The following PICALM variants were observed in gnomAD, a reference collection of about 807,000 sequenced individuals.
PICALM encodes the protein phosphatidylinositol-binding clathrin assembly protein.
Under a neutral mutation model 80.5 loss-of-function variants are expected in PICALM, and 40 were observed. The ratio of observed to expected loss-of-function variants is 0.50; its 90% CI spans 0.39 to 0.65. The LOEUF (loss-of-function observed/expected upper bound fraction) is 0.65, where lower values mean the gene tolerates loss of function less well. Ranked by LOEUF, PICALM falls within the 30% of genes least tolerant of loss-of-function variation. The probability of loss-of-function intolerance (pLI) is 0.00; values close to 1 mark genes in which losing one functional copy is unlikely to be tolerated. For missense variants in PICALM, 676 were observed against 778.9 expected (o/e 0.87, Z 1.57); for synonymous variants, 288 against 260.3 (o/e 1.11, Z -1.02).
chr11:85,961,321 C>T (rs908001040), intron 19 of PICALM, among the ~76,000 whole-genome samples: 2 of 152,172 alleles, frequency 1.3e-5, no homozygotes, highest in South Asian at 2.1e-4. Context: ...TTTATCTTGA[C>T]GAACTGCAGC....
At chr11:86,058,215 C>A (rs2096300483) in intron 1 of PICALM, among the ~76,000 whole-genome samples, 1 of 152,066 alleles carries the variant, frequency 6.6e-6, no homozygotes, top group Non-Finnish European at 1.5e-5. Context: ...ATAACTATTA[C>A]CAGCACATAA....
intron 1 of PICALM, among the ~76,000 whole-genome samples, chr11:86,052,832 C>T (rs866671090): frequency 1.3e-5 from 2 of 152,214 alleles, no homozygotes; most frequent in African/African-American, 4.8e-5. Flanking sequence ...CTGTATTTCT[C>T]ATTGCACCCA....
At chr11:85,966,658 C>G (rs2093910624) in intron 19 of PICALM, among the ~76,000 whole-genome samples, 1 of 152,162 alleles carries the variant, frequency 6.6e-6, no homozygotes, top group Non-Finnish European at 1.5e-5. Flanking sequence ...CCCTGGTGCC[C>G]ATAAATTTGA....
At chr11:86,048,011 G>GA (rs2096107056) in intron 1 of PICALM, among the ~76,000 whole-genome samples, 1 of 151,930 alleles carries the variant, frequency 6.6e-6, no homozygotes. Flanking sequence ...TGACGCAGGA[G>GA]AATCTCCTGA....
At chr11:85,959,505 C>T (rs1465886825) in intron 19 of PICALM, among the ~76,000 whole-genome samples, 6 of 151,552 alleles carry the variant, frequency 4.0e-5, no homozygotes, top group African/African-American at 9.7e-5. Context: ...TGGTGGCGGG[C>T]GCCTGTAATC....
chr11:86,021,792 A>C (rs1404427910), intron 4 of PICALM, among the ~76,000 whole-genome samples: 2 of 152,236 alleles, frequency 1.3e-5, no homozygotes, highest in Non-Finnish European at 2.9e-5. Flanking sequence ...CCATCACCTT[A>C]TGAACAGATA....
chr11:86,032,985 A>C (rs1465215466), intron 1 of PICALM, among the ~76,000 whole-genome samples: 1 of 152,218 alleles, frequency 6.6e-6, no homozygotes. Flanking sequence ...CTGCTTAAAG[A>C]ACAAAGAACA....
At position 85,987,566 on chromosome 11, in the gene PICALM, G is replaced by A. The variant is rs1393868724; in HGVS notation, c.1408+2684C>T. Among the ~76,000 whole-genome samples, 5 of 152,176 alleles carry A rather than the reference G, an allele frequency of 3.3e-5. No homozygotes were observed. The East Asian group carries it at 9.6e-4, about 29-fold the overall frequency. The stretch of plus-strand genomic sequence containing the variant: ...AAAATCAATGTTTAGGATTTTAGTT[G>A]ATGACTACATAATAATTTAGGTGAG... On this transcript the variant is annotated intron_variant, in intron 13 of 19. Transcript: ENST00000393346.
intron 11 of PICALM, among the ~76,000 whole-genome samples, chr11:85,997,751 G>A (rs1414615413): frequency 2.0e-5 from 3 of 152,076 alleles, no homozygotes; most frequent in Non-Finnish European, 2.9e-5. Flanking sequence ...GATTACAGGC[G>A]TGAGCCACTG....
chr11:86,010,969 CA>C, intron 7 of PICALM, 60 bp downstream of exon 7: 1 of 733,444 alleles, frequency 1.4e-6, no homozygotes. Context: ...GTGATGACTT[CA>C]AAATCCATAC....
chr11:85,977,694 G>C (rs2135618418), intron 17 of PICALM, among the ~76,000 whole-genome samples: 1 of 152,316 alleles, frequency 6.6e-6, no homozygotes, highest in Middle Eastern at 3.4e-3. Context: ...AAGAGCAGTA[G>C]ACAAACTGCC....
intron 12 of PICALM, among the ~76,000 whole-genome samples, chr11:85,996,228 T>G (rs1162288149): frequency 2.0e-5 from 3 of 152,200 alleles, no homozygotes; most frequent in Admixed American, 6.5e-5. Context: ...CTATGAGAGA[T>G]AAGCCTATCA....
chr11:86,042,790 G>C (rs1375964022), intron 1 of PICALM, among the ~76,000 whole-genome samples: 1 of 151,800 alleles, frequency 6.6e-6, no homozygotes. Flanking sequence ...CCCAAGCAGG[G>C]TCCAGAGTGG....
At chr11:85,969,662 T>A in intron 19 of PICALM, 1 of 423,050 alleles carries the variant, frequency 2.4e-6, no homozygotes, top group Middle Eastern at 6.5e-4. Flanking sequence ...AAAAACCTTA[T>A]CTAGTTCAAA....
chr11:85,960,671 A>G, intron 19 of PICALM: 1 of 1,239,306 alleles, frequency 8.1e-7, no homozygotes, highest in Non-Finnish European at 1.1e-6. Context: ...ACAAGTAGCA[A>G]TACCTAAAGT....
chr11:86,007,596 C>T lies in PICALM; in HGVS notation c.766-13G>A. The stretch of plus-strand genomic sequence containing the variant: ...CAATTCCAACTTGCTGTAAGAAAAG[C>T]ATTGTATTTAATAAATTATAATAAA... On this transcript the variant is annotated splice_polypyrimidine_tract_variant and intron_variant, in intron 7 of 19. Transcript: ENST00000393346. The T allele has an allele frequency of 2.2e-6, 3 of 1,368,560 alleles. No homozygotes were observed. The allele number at this position is 1,368,560 out of a possible 1,614,324, so 84.8% of individuals were successfully genotyped here.
At chr11:85,992,079 C>G (rs746585359) in intron 12 of PICALM, among the ~76,000 whole-genome samples, 2 of 152,110 alleles carry the variant, frequency 1.3e-5, no homozygotes, top group Non-Finnish European at 2.9e-5. Flanking sequence ...CCTGCCTGGA[C>G]TCAAGCAATC....
intron 18 of PICALM, among the ~76,000 whole-genome samples, chr11:85,975,013 T>A (rs929027158): frequency 9.2e-5 from 14 of 152,192 alleles, no homozygotes; most frequent in Non-Finnish European, 1.5e-4. Context: ...GTCTTTAACA[T>A]GCTCATTTTT....
At chr11:86,022,251 A>C in intron 4 of PICALM, 116 bp downstream of exon 4, 1 of 620,354 alleles carries the variant, frequency 1.6e-6, no homozygotes, top group Non-Finnish European at 2.8e-6. Context: ...ATCAAAGAAA[A>C]ATGAGGCTCA....
Sources: gnomAD v4.1 joint callset for allele counts (sites outside exome capture counted in the v4.1 genomes callset) on GRCh38, gnomAD v4.1.1 for gene constraint, MANE v1.5 for transcripts, NCBI Gene and HGNC (gene_info 2026-07-23, HGNC 2026-07-21) for gene names.